FAM168A: variants seen among roughly 807,000 people sequenced by gnomAD.
FAM168A encodes protein FAM168A.
A neutral mutation model predicts 28.5 loss-of-function variants in FAM168A; 3 were observed. That is an observed-to-expected ratio of 0.11 (90% CI 0.05 to 0.27). The LOEUF (loss-of-function observed/expected upper bound fraction) is 0.27, where lower values mean the gene tolerates loss of function less well. Ranked by LOEUF, FAM168A falls within the 10% of genes least tolerant of loss-of-function variation. FAM168A has a pLI of 1.00. For synonymous variants in FAM168A, 122 were observed against 124.2 expected (o/e 0.98, Z 0.12); for missense variants, 222 against 311.5 (o/e 0.71, Z 2.16).
chr11:73,572,455 A>G (rs1944112536), intron 1 of FAM168A, among the ~76,000 whole-genome samples: 1 of 152,036 alleles, frequency 6.6e-6, no homozygotes, highest in African/African-American at 2.4e-5. Context: ...TGGGGAAAAG[A>G]TTGAGAAATC....
At chr11:73,565,871 AATAAC>A (rs970857604) in intron 1 of FAM168A, among the ~76,000 whole-genome samples, 3 of 152,240 alleles carry the variant, frequency 2.0e-5, no homozygotes, top group Admixed American at 6.5e-5. Flanking sequence ...CCAATTAAGT[AATAAC>A]ATGAGAGAGG....
chr11:73,434,615 T>C (rs1373809196), intron 2 of FAM168A, among the ~76,000 whole-genome samples: 1 of 152,110 alleles, frequency 6.6e-6, no homozygotes, highest in Non-Finnish European at 1.5e-5. Context: ...GCAGTAGTAG[T>C]AGAGTAAGTC....
chr11:73,450,879 C>T (rs1273404853), intron 2 of FAM168A, among the ~76,000 whole-genome samples: 1 of 152,174 alleles, frequency 6.6e-6, no homozygotes, highest in Non-Finnish European at 1.5e-5. Context: ...GACAAGTCTA[C>T]AGTGGAGGTT....
intron 1 of FAM168A, among the ~76,000 whole-genome samples, chr11:73,514,115 T>A (rs999775896): frequency 6.6e-6 from 1 of 152,044 alleles, no homozygotes; most frequent in African/African-American, 2.4e-5. Context: ...ATCACACCAC[T>A]GTACTCCAGC....
chr11:73,419,730 G>C (rs1003408109), intron 4 of FAM168A, 144 bp downstream of exon 4: 1 of 905,026 alleles, frequency 1.1e-6, no homozygotes. Context: ...ATAAGGAGGG[G>C]TAATTTTTTG....
intron 1 of FAM168A, among the ~76,000 whole-genome samples, chr11:73,531,629 T>C (rs963207127): frequency 6.6e-6 from 1 of 152,000 alleles, no homozygotes; most frequent in African/African-American, 2.4e-5. Flanking sequence ...GAGACCTAGG[T>C]TACCTTACTC....
At chr11:73,428,498 A>G (rs769218871) in intron 3 of FAM168A, among the ~76,000 whole-genome samples, 7 of 152,212 alleles carry the variant, frequency 4.6e-5, no homozygotes, top group Non-Finnish European at 8.8e-5. Flanking sequence ...TCCTGACTAG[A>G]AAGACAATGA....
chr11:73,524,820 A>C (rs1434651331), intron 1 of FAM168A, among the ~76,000 whole-genome samples: 1 of 152,046 alleles, frequency 6.6e-6, no homozygotes, highest in Non-Finnish European at 1.5e-5. Context: ...GCTGGTCTCG[A>C]ACTCCTGGCC....
At chr11:73,522,979 C>T (rs1471822008) in intron 1 of FAM168A, among the ~76,000 whole-genome samples, 1 of 152,004 alleles carries the variant, frequency 6.6e-6, no homozygotes, top group African/African-American at 2.4e-5. Context: ...CACCACTGAA[C>T]TCCAGCCTGG....
intron 1 of FAM168A, among the ~76,000 whole-genome samples, chr11:73,596,170 C>T (rs1944437755): frequency 6.6e-6 from 1 of 152,156 alleles, no homozygotes; most frequent in Non-Finnish European, 1.5e-5. Context: ...TAAATTCAGT[C>T]TCATATTTTT....
At chr11:73,461,266 G>T (rs1867642325) in intron 2 of FAM168A, among the ~76,000 whole-genome samples, 1 of 152,036 alleles carries the variant, frequency 6.6e-6, no homozygotes, top group Non-Finnish European at 1.5e-5. Flanking sequence ...ACAGGCAGGT[G>T]CCACCACACC....
chr11:73,557,505 T>C (rs754689166), intron 1 of FAM168A, among the ~76,000 whole-genome samples: 2 of 152,132 alleles, frequency 1.3e-5, no homozygotes, highest in Non-Finnish European at 2.9e-5. Context: ...GCTGGGATTA[T>C]AGGCATGAGC....
At chr11:73,566,568 G>A (rs1944021929) in intron 1 of FAM168A, among the ~76,000 whole-genome samples, 2 of 152,088 alleles carry the variant, frequency 1.3e-5, no homozygotes, top group Admixed American at 1.3e-4. Context: ...AAGAGCTCCT[G>A]GAAAGTCAGA....
intron 1 of FAM168A, among the ~76,000 whole-genome samples, chr11:73,531,922 A>G (rs1049061401): frequency 8.8e-6 from 1 of 113,466 alleles, no homozygotes; most frequent in Non-Finnish European, 1.8e-5. Flanking sequence ...CTCCCACCTC[A>G]CCCTCCCAGG....
intron 1 of FAM168A, among the ~76,000 whole-genome samples, chr11:73,494,765 C>T (rs913405300): frequency 2.0e-5 from 3 of 152,036 alleles, no homozygotes; most frequent in Non-Finnish European, 4.4e-5. Flanking sequence ...TTTGGGAGGC[C>T]GAGGAGGGCG....
intron 1 of FAM168A, among the ~76,000 whole-genome samples, chr11:73,537,389 C>T (rs773956208): frequency 6.6e-6 from 1 of 151,972 alleles, no homozygotes; most frequent in Non-Finnish European, 1.5e-5. Context: ...GGCGAAACCC[C>T]GTCTCTACTA....
chr11:73,417,544 G>T (rs945812908), intron 4 of FAM168A, among the ~76,000 whole-genome samples: 7 of 150,266 alleles, frequency 4.7e-5, no homozygotes, highest in Non-Finnish European at 8.8e-5. Context: ...CCTTATGGCT[G>T]ACATACCTCT....
intron 4 of FAM168A, among the ~76,000 whole-genome samples, chr11:73,414,481 TGAAAGCTCTGTAGCACAGAGCCATG>T (rs1308745013): frequency 6.6e-6 from 1 of 152,168 alleles, no homozygotes; most frequent in Non-Finnish European, 1.5e-5. Flanking sequence ...TGCCTGTTTC[TGAAAGCTCTGTAGCACAGAGCCATG>T]GTTATGAGCA....
At chr11:73,584,170 T>C (rs571656878) in intron 1 of FAM168A, among the ~76,000 whole-genome samples, 35 of 145,878 alleles carry the variant, frequency 2.4e-4, no homozygotes, top group African/African-American at 9.7e-4. Flanking sequence ...GTTTTTTACA[T>C]TCACTGACTT....
Sources: gnomAD v4.1 joint callset for allele counts (sites outside exome capture counted in the v4.1 genomes callset) on GRCh38, gnomAD v4.1.1 for gene constraint, MANE v1.5 for transcripts, NCBI Gene and HGNC (gene_info 2026-07-23, HGNC 2026-07-21) for gene names.